EXOC4: variants seen among roughly 807,000 people sequenced by gnomAD.
The protein encoded by EXOC4 is exocyst complex component 4.
In EXOC4, 71 loss-of-function variants were observed where a neutral mutation model predicts 107.2. That is an observed-to-expected ratio of 0.66 (90% confidence interval 0.55 to 0.81). The LOEUF (loss-of-function observed/expected upper bound fraction) is 0.81, where lower values mean the gene tolerates loss of function less well. Ranked by LOEUF, EXOC4 falls within the 30% of genes least tolerant of loss-of-function variation. The pLI, the probability that EXOC4 is intolerant of heterozygous loss-of-function variation, is 0.00. For missense variants in EXOC4, 1,108 were observed against 1,189.6 expected, an observed-to-expected ratio of 0.93 and a Z score of 1.01; for synonymous variants, 456 against 441.2, an observed-to-expected ratio of 1.03 and a Z score of -0.42.
At chr7:133,492,582 A>T (rs966491024) in intron 9 of EXOC4, among the ~76,000 whole-genome samples, 2 of 152,154 alleles carry the variant, frequency 1.3e-5, no homozygotes, top group Non-Finnish European at 2.9e-5. Context: ...TCAAGTTCAG[A>T]GTAATGGAGT....
intron 17 of EXOC4, among the ~76,000 whole-genome samples, chr7:134,021,205 C>A (rs987942997): frequency 5.9e-5 from 9 of 152,132 alleles, no homozygotes; most frequent in African/African-American, 1.9e-4. Flanking sequence ...GTAAACATGT[C>A]TGAGATATGC....
At chr7:133,630,270 C>G in intron 10 of EXOC4, 129 bp downstream of exon 10, 1 of 664,574 alleles carries the variant, frequency 1.5e-6, no homozygotes, top group Non-Finnish European at 2.6e-6. Flanking sequence ...TTTTTAGGGC[C>G]TCACTATTAA....
rs1793635095 is a variant in EXOC4, at chr7:133,263,548, GT to G, written c.86+10366del. Among the ~76,000 whole-genome samples, 8 of 151,650 alleles carry G rather than the reference GT, an allele frequency of 5.3e-5. No homozygotes were observed. The South Asian group carries it at 1.7e-3, about 32-fold the overall frequency. On this transcript the variant is annotated intron_variant, in intron 1 of 17. Transcript: ENST00000253861. ...AGGTGTGTGCCACCATGCCCAGCTAGTTTTTGTATTTTTTGTAGACAGGGAG... is the reference window on the plus strand; with the variant it reads ...AGGTGTGTGCCACCATGCCCAGCTAGTTTTGTATTTTTTGTAGACAGGGAG...
At chr7:133,902,936 C>T (rs7782545) in intron 12 of EXOC4, among the ~76,000 whole-genome samples, 94,185 of 151,944 alleles carry the variant, frequency 0.62, 31,614 homozygotes, top group African/African-American at 0.89. Context: ...TAGATAGACT[C>T]AGGAGTGTGA....
At chr7:133,980,528 A>G (rs1793956256) in intron 14 of EXOC4, among the ~76,000 whole-genome samples, 1 of 152,242 alleles carries the variant, frequency 6.6e-6, no homozygotes, top group Non-Finnish European at 1.5e-5. Context: ...TCATAATGTA[A>G]CTACTACTTT....
chr7:133,327,505 C>G (rs1795276880), intron 5 of EXOC4, among the ~76,000 whole-genome samples: 1 of 151,990 alleles, frequency 6.6e-6, no homozygotes, highest in East Asian at 1.9e-4. Context: ...GCTCTTGCTT[C>G]TCTTGTTCTT....
At chr7:133,543,071 T>C (rs1800411634) in intron 9 of EXOC4, among the ~76,000 whole-genome samples, 1 of 152,174 alleles carries the variant, frequency 6.6e-6, no homozygotes, top group Admixed American at 6.5e-5. Flanking sequence ...CTTTTTAGAT[T>C]TGTCCTTGAA....
intron 7 of EXOC4, among the ~76,000 whole-genome samples, chr7:133,398,491 T>G (rs564077253): frequency 6.6e-6 from 1 of 152,212 alleles, no homozygotes; most frequent in Non-Finnish European, 1.5e-5. Flanking sequence ...ATGTAAACCT[T>G]TTTCCTATTT....
At chr7:133,749,877 G>A (rs369634169) in intron 10 of EXOC4, among the ~76,000 whole-genome samples, 2 of 150,752 alleles carry the variant, frequency 1.3e-5, no homozygotes, top group South Asian at 4.2e-4. Flanking sequence ...GTACCTTGAG[G>A]TTCAGTAGAA....
chr7:133,992,286 TTTG>T (rs369202119), intron 14 of EXOC4, among the ~76,000 whole-genome samples: 1 of 216 alleles, frequency 4.6e-3, no homozygotes, highest in East Asian at 0.17. Context: ...TTTTGTTTTG[TTTG>T]TTTGTTTTTT....
At chr7:133,505,020 G>A (rs1783256838) in intron 9 of EXOC4, among the ~76,000 whole-genome samples, 1 of 152,038 alleles carries the variant, frequency 6.6e-6, no homozygotes, top group Admixed American at 6.6e-5. Context: ...AATGTTGTGA[G>A]TCATCTATGA....
At chr7:133,448,724 A>C (rs1427768758) in intron 7 of EXOC4, among the ~76,000 whole-genome samples, 1 of 152,220 alleles carries the variant, frequency 6.6e-6, no homozygotes, top group African/African-American at 2.4e-5. Flanking sequence ...ATTTAGAGAT[A>C]GGGTCTTTGC....
intron 12 of EXOC4, among the ~76,000 whole-genome samples, chr7:133,911,081 G>A (rs1799683261): frequency 6.6e-6 from 1 of 152,132 alleles, no homozygotes; most frequent in Non-Finnish European, 1.5e-5. Flanking sequence ...CTCATCACCT[G>A]TACCAAAAGG....
chr7:133,564,764 T>G (rs936795901), intron 9 of EXOC4, among the ~76,000 whole-genome samples: 2 of 152,134 alleles, frequency 1.3e-5, no homozygotes, highest in Non-Finnish European at 2.9e-5. Context: ...GCTTTTGATA[T>G]GTAATATGAG....
chr7:134,037,453 G>A (rs544296443), intron 17 of EXOC4, among the ~76,000 whole-genome samples: 2 of 152,292 alleles, frequency 1.3e-5, no homozygotes, highest in South Asian at 2.1e-4. Flanking sequence ...AATTTCTCTA[G>A]CATTTTTCCC....
At chr7:133,944,590 T>C (rs1460153261) in intron 14 of EXOC4, among the ~76,000 whole-genome samples, 5 of 152,210 alleles carry the variant, frequency 3.3e-5, no homozygotes, top group Non-Finnish European at 4.4e-5. Context: ...AATTTTGGAT[T>C]GACTCTCCAC....
At chr7:133,630,267 G>T in intron 10 of EXOC4, 126 bp downstream of exon 10, 2 of 669,334 alleles carry the variant, frequency 3.0e-6, no homozygotes, top group South Asian at 2.0e-5. Context: ...CCATTTTTAG[G>T]GCCTCACTAT....
chr7:133,263,279 CATTA>C (rs1411795044), intron 1 of EXOC4, among the ~76,000 whole-genome samples: 1 of 150,124 alleles, frequency 6.7e-6, no homozygotes. Context: ...AAATATTTTG[CATTA>C]ATTAAAAGAG....
chr7:133,374,943 G>A lies in EXOC4; in HGVS notation c.1123G>A (p.Glu375Lys), dbSNP rs778560013. 6.8e-6 allele frequency: 11 copies of A among 1,613,972 alleles called. No homozygotes were observed. In the Admixed American group the frequency reaches 1.8e-4, roughly 27 times the overall value. Residue 375 changes from glutamate to lysine, a missense_variant, in exon 7 of 18, where the codon GAA becomes AAA. Glu to Lys is a moderately conservative substitution (Grantham distance 56). Transcript: ENST00000253861. The part of the protein sequence containing the change: ...DTVVTPLTQQ[E>K]DIKLYDMADV... ...TGTAGTGACTCCACTGACTCAGCAG[G>A]AAGATATCAAACTGTATGATATGGC...
Sources: allele counts gnomAD v4.1 joint callset (sites outside exome capture counted in the v4.1 genomes callset), GRCh38; gene constraint gnomAD v4.1.1; transcripts MANE v1.5; gene names NCBI Gene and HGNC (gene_info 2026-07-23, HGNC 2026-07-21).